Variants in CDH20 observed in about 807,000 individuals in gnomAD.
The protein encoded by CDH20 is cadherin-20.
CDH20 carries 29 observed loss-of-function variants against 74.2 expected under a neutral mutation model. The ratio of observed to expected loss-of-function variants is 0.39; its 90% CI spans 0.29 to 0.53. The LOEUF is 0.53. Among genes scored for constraint, CDH20 ranks in the 20% least tolerant of loss-of-function variants. The probability of loss-of-function intolerance (pLI) is 0.69; values close to 1 mark genes in which losing one functional copy is unlikely to be tolerated. For synonymous variants in CDH20, 469 were observed against 405.4 expected, an observed-to-expected ratio of 1.16 and a Z score of -1.88; for missense variants, 988 against 1,048.3, an observed-to-expected ratio of 0.94 and a Z score of 0.79.
At chr18:61,542,829 G>C (rs187406791) in intron 9 of CDH20, among the ~76,000 whole-genome samples, 1 of 152,300 alleles carries the variant, frequency 6.6e-6, no homozygotes, top group African/African-American at 2.4e-5. Context: ...AGGAAGCAAG[G>C]CAGGAGGGGA....
At chr18:61,438,509 C>T (rs117946548) in intron 1 of CDH20, among the ~76,000 whole-genome samples, 6,901 of 152,218 alleles carry the variant, frequency 0.045, 176 homozygotes, top group Middle Eastern at 0.12. Flanking sequence ...ACAGTACTTA[C>T]ATTTTTTTCA....
rs1365286419 is a variant in CDH20, at chr18:61,399,159, G to A, written c.-153+65332G>A. Among the ~76,000 whole-genome samples the A allele has an allele frequency of 6.8e-5, 9 of 132,818 alleles. No homozygotes were observed. The East Asian group carries it at 7.9e-4, about 12-fold the overall frequency. 87.1% of individuals were successfully genotyped at this position (132,818 alleles called of 152,430 possible). A position where few individuals can be genotyped will look rare whatever the true frequency, so the allele number is the denominator to read the frequency against. On this transcript the variant is annotated intron_variant, in intron 1 of 11. Coordinates refer to ENST00000262717, the MANE Select transcript of CDH20 (RefSeq NM_031891.4). ...ACATTTTGCAGTGACCAACCTCTCC[G>A]ATCCTGACTGCATAGTCATTCATTG...
chr18:61,500,611 A>G, intron 4 of CDH20, 109 bp downstream of exon 4: 1 of 1,131,766 alleles, frequency 8.8e-7, no homozygotes, highest in Non-Finnish European at 1.2e-6. Flanking sequence ...GAGTGTATTA[A>G]CCAGAGAAGA....
intron 7 of CDH20, among the ~76,000 whole-genome samples, chr18:61,532,111 C>T (rs144491782): frequency 2.0e-4 from 31 of 152,298 alleles, no homozygotes; most frequent in African/African-American, 7.2e-4. Context: ...AGCCAGACTG[C>T]CTGGGCTTGA....
At chr18:61,388,692 G>C (rs1306354308) in intron 1 of CDH20, among the ~76,000 whole-genome samples, 2 of 152,170 alleles carry the variant, frequency 1.3e-5, no homozygotes, top group East Asian at 3.9e-4. Flanking sequence ...GTGGTTTTAT[G>C]ACATGCGTGT....
At chr18:61,454,746 A>G (rs934778295) in intron 1 of CDH20, among the ~76,000 whole-genome samples, 1 of 152,234 alleles carries the variant, frequency 6.6e-6, no homozygotes, top group Non-Finnish European at 1.5e-5. Flanking sequence ...ATATAGTTCA[A>G]GTAGACACAG....
intron 1 of CDH20, among the ~76,000 whole-genome samples, chr18:61,384,861 T>C (rs1911543886): frequency 6.6e-6 from 1 of 152,240 alleles, no homozygotes; most frequent in African/African-American, 2.4e-5. Flanking sequence ...AAGCGTGATA[T>C]GATTAGCTCA....
chr18:61,440,111 G>C (rs1320849327), intron 1 of CDH20, among the ~76,000 whole-genome samples: 1 of 152,158 alleles, frequency 6.6e-6, no homozygotes, highest in Non-Finnish European at 1.5e-5. Flanking sequence ...CCTTAATACA[G>C]TTACACCTCA....
At chr18:61,503,264 C>T (rs912157903) in intron 5 of CDH20, 144 bp downstream of exon 5, 41 of 576,068 alleles carry the variant, frequency 7.1e-5, no homozygotes, top group Admixed American at 2.3e-4. Flanking sequence ...ATGCAATTCT[C>T]GCATAACTAT....
At chr18:61,439,464 C>T (rs936115489) in intron 1 of CDH20, among the ~76,000 whole-genome samples, 1 of 152,052 alleles carries the variant, frequency 6.6e-6, no homozygotes, top group African/African-American at 2.4e-5. Context: ...GATTCTGAAA[C>T]TCTCAGATAA....
intron 1 of CDH20, chr18:61,405,236 A>G (rs1033979425): frequency 2.1e-5 from 8 of 378,296 alleles, no homozygotes; most frequent in South Asian, 1.6e-4. Context: ...ATGGCCCCCA[A>G]CCAGGAGCTG....
intron 6 of CDH20, among the ~76,000 whole-genome samples, chr18:61,514,713 C>G (rs1310665025): frequency 6.6e-6 from 1 of 151,122 alleles, no homozygotes; most frequent in Non-Finnish European, 1.5e-5. Context: ...AGTTTTCCTT[C>G]TAACAGACAG....
intron 1 of CDH20, among the ~76,000 whole-genome samples, chr18:61,377,811 A>T (rs1457523832): frequency 6.6e-6 from 1 of 152,064 alleles, no homozygotes; most frequent in Non-Finnish European, 1.5e-5. Context: ...TATGTATTGG[A>T]TCTATGTTAC....
At chr18:61,468,388 A>C (rs1301753215) in intron 1 of CDH20, among the ~76,000 whole-genome samples, 1 of 152,162 alleles carries the variant, frequency 6.6e-6, no homozygotes, top group Non-Finnish European at 1.5e-5. Flanking sequence ...TGAGTGAAGG[A>C]AATCCCTTTT....
intron 1 of CDH20, among the ~76,000 whole-genome samples, chr18:61,472,840 G>C (rs1910232739): frequency 6.6e-6 from 1 of 152,180 alleles, no homozygotes. Flanking sequence ...TGTGGAACAT[G>C]GTTATTAAGC....
At chr18:61,505,964 T>C (rs1911546488) in intron 5 of CDH20, among the ~76,000 whole-genome samples, 1 of 152,156 alleles carries the variant, frequency 6.6e-6, no homozygotes, top group Admixed American at 6.5e-5. Context: ...ATCTAATGAG[T>C]CTTCATTGTA....
At chr18:61,521,919 A>G (rs1377348318) in intron 6 of CDH20, among the ~76,000 whole-genome samples, 1 of 151,878 alleles carries the variant, frequency 6.6e-6, no homozygotes, top group Non-Finnish European at 1.5e-5. Flanking sequence ...GATGGAATGT[A>G]TCTCTAATAA....
chr18:61,458,568 T>C (rs924606865), intron 1 of CDH20, among the ~76,000 whole-genome samples: 1 of 152,168 alleles, frequency 6.6e-6, no homozygotes, highest in Admixed American at 6.6e-5. Flanking sequence ...TAGGCAGCAA[T>C]AGAGCCTCCC....
intron 1 of CDH20, among the ~76,000 whole-genome samples, chr18:61,374,191 A>G (rs914958979): frequency 5.3e-5 from 8 of 152,128 alleles, no homozygotes; most frequent in African/African-American, 1.9e-4. Context: ...ATCATTAAAC[A>G]TAACTCTTAA....
Sources: gnomAD v4.1 joint callset for allele counts (sites outside exome capture counted in the v4.1 genomes callset) on GRCh38, gnomAD v4.1.1 for gene constraint, MANE v1.5 for transcripts, NCBI Gene and HGNC (gene_info 2026-07-23, HGNC 2026-07-21) for gene names.